KIDINS220: variants seen among roughly 807,000 people sequenced by gnomAD.
KIDINS220 encodes kinase D-interacting substrate of 220 kDa.
A neutral mutation model predicts 157.6 loss-of-function variants in KIDINS220; 63 were observed. The ratio of observed to expected loss-of-function variants is 0.40; its 90% confidence interval spans 0.33 to 0.49. The LOEUF (loss-of-function observed/expected upper bound fraction) is 0.49, where lower values mean the gene tolerates loss of function less well. KIDINS220 is among the 20% of genes least tolerant of loss of function. The pLI is 0.66. For synonymous variants in KIDINS220, 732 were observed against 783.6 expected (o/e 0.93, Z 1.10); for missense variants, 1,772 against 2,171.2 (o/e 0.82, Z 3.65).
chr2:8,787,316 A>T (rs1672551573), intron 15 of KIDINS220, among the ~76,000 whole-genome samples: 1 of 149,846 alleles, frequency 6.7e-6, no homozygotes, highest in Admixed American at 6.6e-5. Context: ...TGGCTTATTT[A>T]TTTTCATCTT....
At position 8,767,866 on chromosome 2, in the gene KIDINS220, CT is replaced by C. The variant is rs1391189380; in HGVS notation, c.3011+2803del. 3.3e-5 allele frequency among the ~76,000 whole-genome samples: 5 copies of C among 152,290 alleles called. No individual in the cohort carries two copies. The East Asian group carries it at 9.6e-4, about 29-fold the overall frequency. On this transcript the variant is annotated intron_variant, in intron 22 of 29. Coordinates refer to ENST00000256707, the MANE Select transcript of KIDINS220 (RefSeq NM_020738.4). ...GTCATAAATTAGATGTCCATATTGTCTGTACAGCAAATTGCTACTTCAATGA... is the reference window on the plus strand; with the variant it reads ...GTCATAAATTAGATGTCCATATTGTCGTACAGCAAATTGCTACTTCAATGA...
intron 1 of KIDINS220, among the ~76,000 whole-genome samples, chr2:8,830,562 G>A (rs983845561): frequency 5.9e-5 from 9 of 152,144 alleles, no homozygotes; most frequent in African/African-American, 2.2e-4. Flanking sequence ...GGGACTACAG[G>A]TGCACACCAC....
At chr2:8,836,264 C>T (rs1225017927) in intron 1 of KIDINS220, among the ~76,000 whole-genome samples, 2 of 151,970 alleles carry the variant, frequency 1.3e-5, no homozygotes, top group Non-Finnish European at 2.9e-5. Flanking sequence ...TGCCTCCTCC[C>T]TTCCACCACC....
chr2:8,727,228 C>T (rs888550148), downstream of KIDINS220: 1 of 1,112,274 alleles, frequency 9.0e-7, no homozygotes. Context: ...GAACAGTATC[C>T]CCACTGGTTT....
rs145525895 is a variant in KIDINS220 at position 8,729,585 on chromosome 2, GAT to G, written c.*1133_*1134del. On this transcript the variant is annotated 3_prime_UTR_variant, in exon 30 of 30. Transcript: ENST00000256707. ...CTTTTACAGTCACAGCACTTATATA[GAT>G]ATATATATATATTTTACCCTTGCTT... 4.3e-3 allele frequency: 4,114 copies of G among 951,248 alleles called. 119 individuals are homozygous for G. In the African/African-American group the frequency reaches 0.063, roughly 15 times the overall value. 58.9% of individuals were successfully genotyped at this position (951,248 alleles called of 1,614,324 possible).
Position 8,796,778 on chromosome 2 carries a change from AC to A in KIDINS220, c.1090del (p.Val364Ter). 6.2e-7 allele frequency: 1 copy of A among 1,612,858 alleles called. No individual in the cohort carries two copies. The highest frequency in any genetic ancestry group is 1.7e-5 in the Admixed American group (1 of 60,010). The part of the protein sequence containing the change: ...LLDKGAKVSA[V>X]DKKGDTPLHI... ...TCCGCACAGATGTTTTACCTTATCT[AC>A]AGCAGACACTTTAGCACCTTTATCT... On this transcript the variant is annotated frameshift_variant, in exon 11 of 30. Transcript: ENST00000256707. LOFTEE classifies it high-confidence loss of function.
rs772136516 is a variant in KIDINS220 at position 8,777,412 on chromosome 2, C to T, written c.2704-520G>A. Among the ~76,000 whole-genome samples, 59 of 152,306 alleles carry T rather than the reference C, an allele frequency of 3.9e-4. 1 individual carries two copies. Among genetic ancestry groups the T allele is most frequent in the African/African-American group, 8.4e-4 (35 of 41,558 alleles). ...GTTCTGGGCTTGGGCAATCCTCCCA[C>T]CTCAGCCTTCTGAGTAGCTGGGACT... On this transcript the variant is annotated intron_variant, in intron 20 of 29. Coordinates refer to ENST00000256707, the MANE Select transcript of KIDINS220 (RefSeq NM_020738.4).
At chr2:8,744,476 C>G (rs1373201473) in intron 26 of KIDINS220, among the ~76,000 whole-genome samples, 3 of 122,364 alleles carry the variant, frequency 2.5e-5, no homozygotes, top group African/African-American at 6.3e-5. Flanking sequence ...AAGACCATAG[C>G]TGGTTAACCC....
chr2:8,734,879 A>C (rs1664652086), intron 27 of KIDINS220, 126 bp from the exon 28 acceptor site: 1 of 564,120 alleles, frequency 1.8e-6, no homozygotes, highest in African/African-American at 1.9e-5. Context: ...AAGGCTGACC[A>C]AAAAAAAGGT....
intron 21 of KIDINS220, among the ~76,000 whole-genome samples, chr2:8,774,822 C>T (rs573287203): frequency 6.6e-6 from 1 of 152,214 alleles, no homozygotes; most frequent in African/African-American, 2.4e-5. Context: ...AATGAGGACA[C>T]ATTACAGAGT....
chr2:8,818,795 T>C lies in KIDINS220; in HGVS notation c.109-2A>G. The C allele has an allele frequency of 3.2e-6, 5 of 1,563,928 alleles. No homozygotes were observed. Among genetic ancestry groups the C allele is most frequent in the South Asian group, 1.2e-5 (1 of 86,192 alleles). ...TATCATCAGTGGAGTCTGGCCACAC[T>C]AGAGAATATAAAAGACAAAGGGAAC... On this transcript the variant is annotated splice_acceptor_variant, in intron 2 of 29. Coordinates refer to ENST00000256707, the MANE Select transcript of KIDINS220 (RefSeq NM_020738.4). LOFTEE classifies it high-confidence loss of function.
At chr2:8,780,520 CTGTG>C (rs34620607) in intron 17 of KIDINS220, among the ~76,000 whole-genome samples, 88 of 148,576 alleles carry the variant, frequency 5.9e-4, no homozygotes, top group African/African-American at 8.1e-4. Context: ...GTGTGTGTGT[CTGTG>C]TGTGTGTGTG....
downstream of KIDINS220, chr2:8,726,921 A>G (rs1042842703): frequency 8.5e-6 from 11 of 1,289,224 alleles, no homozygotes; most frequent in East Asian, 1.1e-4. Flanking sequence ...AGAGCTATCT[A>G]TCTCAAGGCC....
intron 21 of KIDINS220, 49 bp from the exon 22 acceptor site, chr2:8,770,881 A>G: frequency 9.2e-7 from 1 of 1,086,014 alleles, no homozygotes; most frequent in Non-Finnish European, 1.3e-6. Flanking sequence ...GTGTGATAGT[A>G]TGTTAAGTAA....
chr2:8,832,183 C>G (rs1283407495), intron 1 of KIDINS220, among the ~76,000 whole-genome samples: 1 of 152,100 alleles, frequency 6.6e-6, no homozygotes, highest in Non-Finnish European at 1.5e-5. Context: ...TTACAGAGAC[C>G]CCCAACGTTC....
chr2:8,793,088 G>A (rs540710861), intron 12 of KIDINS220, among the ~76,000 whole-genome samples: 4 of 152,098 alleles, frequency 2.6e-5, no homozygotes, highest in African/African-American at 9.6e-5. Flanking sequence ...ATTACAAGTT[G>A]GGATATAGGG....
At position 8,730,217 on chromosome 2, in the gene KIDINS220, C is replaced by G; in HGVS notation, c.*503G>C. On this transcript the variant is annotated 3_prime_UTR_variant, in exon 30 of 30. Transcript: ENST00000256707. Reference sequence around the variant, plus strand: ...AGCAATACCCCTGCCATACAGAACGCTGGATCTCGGTTTACTCAGCCTCTC... The same window carrying G: ...AGCAATACCCCTGCCATACAGAACGGTGGATCTCGGTTTACTCAGCCTCTC... 1.0e-6 allele frequency: 1 copy of G among 987,794 alleles called. No individual in the cohort carries two copies. Among genetic ancestry groups the G allele is most frequent in the Admixed American group, 6.1e-5 (1 of 16,524 alleles). 61.2% of individuals were successfully genotyped at this position (987,794 alleles called of 1,614,324 possible). A position where few individuals can be genotyped will look rare whatever the true frequency, so the allele number is the denominator to read the frequency against.
chr2:8,800,531 G>A, intron 8 of KIDINS220, 33 bp from the exon 9 acceptor site: 1 of 1,423,516 alleles, frequency 7.0e-7, no homozygotes, highest in Non-Finnish European at 9.8e-7. Context: ...CAAAAACAAG[G>A]TAAATTGACA....
At chr2:8,830,194 G>A (rs1679405625) in intron 1 of KIDINS220, among the ~76,000 whole-genome samples, 1 of 152,094 alleles carries the variant, frequency 6.6e-6, no homozygotes, top group Non-Finnish European at 1.5e-5. Context: ...AGACCCCTAA[G>A]GTTGCAAGAG....
Sources: gnomAD v4.1 joint callset for allele counts (sites outside exome capture counted in the v4.1 genomes callset) on GRCh38, gnomAD v4.1.1 for gene constraint, MANE v1.5 for transcripts, NCBI Gene and HGNC (gene_info 2026-07-23, HGNC 2026-07-21) for gene names.